PTK2: variants seen among roughly 807,000 people sequenced by gnomAD.
PTK2 encodes the protein protein tyrosine kinase 2, also known as focal adhesion kinase 1.
PTK2 carries 45 observed loss-of-function variants against 150.1 expected under a neutral mutation model. That is an observed-to-expected ratio of 0.30 (90% confidence interval 0.24 to 0.38). The LOEUF is 0.38. PTK2 is among the 10% of genes least tolerant of loss of function. The pLI, the probability that PTK2 is intolerant of heterozygous loss-of-function variation, is 1.00. For missense variants in PTK2, 919 were observed against 1,307.3 expected, an observed-to-expected ratio of 0.70 and a Z score of 4.58; for synonymous variants, 432 against 449.2, an observed-to-expected ratio of 0.96 and a Z score of 0.48.
At chr8:140,903,248 C>T (rs1348906719) in intron 2 of PTK2, among the ~76,000 whole-genome samples, 1 of 152,040 alleles carries the variant, frequency 6.6e-6, no homozygotes, top group African/African-American at 2.4e-5. Context: ...TCCTTTCCCC[C>T]ATTGCTTGTT....
chr8:140,941,803 T>C (rs137994994), intron 1 of PTK2, among the ~76,000 whole-genome samples: 1 of 152,210 alleles, frequency 6.6e-6, no homozygotes, highest in African/African-American at 2.4e-5. Context: ...CCCCTCAGGC[T>C]CAGGCGATCC....
At chr8:140,902,944 T>G (rs1303518910) in intron 2 of PTK2, among the ~76,000 whole-genome samples, 4,518 of 139,382 alleles carry the variant, frequency 0.032, 252 homozygotes, top group African/African-American at 0.11. Context: ...TTTTTTTTTT[T>G]TTTTTTTTTT....
intron 2 of PTK2, among the ~76,000 whole-genome samples, chr8:140,900,379 A>T (rs1428154303): frequency 6.6e-6 from 1 of 152,210 alleles, no homozygotes; most frequent in Non-Finnish European, 1.5e-5. Context: ...CAATTTAACC[A>T]AAGAAGTAAA....
At chr8:140,976,012 TAAC>T (rs1444265960) in intron 1 of PTK2, among the ~76,000 whole-genome samples, 1 of 152,232 alleles carries the variant, frequency 6.6e-6, no homozygotes, top group Non-Finnish European at 1.5e-5. Context: ...AAGATACTAT[TAAC>T]AACATTAGCA....
At chr8:140,955,902 T>A (rs931974795) in intron 1 of PTK2, among the ~76,000 whole-genome samples, 1 of 152,148 alleles carries the variant, frequency 6.6e-6, no homozygotes, top group Non-Finnish European at 1.5e-5. Flanking sequence ...AGCTAAAGCC[T>A]CAACACCATG....
chr8:140,923,729 T>C (rs2100168391), intron 2 of PTK2, among the ~76,000 whole-genome samples: 1 of 152,176 alleles, frequency 6.6e-6, no homozygotes, highest in Non-Finnish European at 1.5e-5. Context: ...ACCAACCTCT[T>C]TTAGTACTGG....
intron 20 of PTK2, among the ~76,000 whole-genome samples, chr8:140,740,620 G>C (rs1340957065): frequency 6.6e-6 from 1 of 152,180 alleles, no homozygotes; most frequent in Non-Finnish European, 1.5e-5. Context: ...TTTGTCAACT[G>C]CCTGTTTAAA....
chr8:140,793,097 T>C (rs1376261805), intron 13 of PTK2, among the ~76,000 whole-genome samples: 1 of 152,178 alleles, frequency 6.6e-6, no homozygotes, highest in Non-Finnish European at 1.5e-5. Flanking sequence ...GAAGCAAATG[T>C]TTAACAACAG....
intron 23 of PTK2, among the ~76,000 whole-genome samples, chr8:140,708,414 G>A (rs888194156): frequency 7.2e-5 from 11 of 152,060 alleles, no homozygotes; most frequent in African/African-American, 1.9e-4. Context: ...GCAACAGCTC[G>A]TGATTTTGCC....
chr8:140,705,355 G>T (rs915200863), intron 24 of PTK2, among the ~76,000 whole-genome samples: 10 of 151,982 alleles, frequency 6.6e-5, no homozygotes, highest in African/African-American at 2.4e-4. Flanking sequence ...GACATTACGA[G>T]TAAAAAAAGA....
chr8:140,847,759 TAA>T (rs1296540376), intron 5 of PTK2, among the ~76,000 whole-genome samples: 2 of 152,204 alleles, frequency 1.3e-5, no homozygotes, highest in African/African-American at 2.4e-5. Flanking sequence ...ACCCTTTATA[TAA>T]AAAGTGTCTT....
intron 10 of PTK2, among the ~76,000 whole-genome samples, chr8:140,808,643 T>C (rs773935540): frequency 6.6e-6 from 1 of 151,366 alleles, no homozygotes; most frequent in Non-Finnish European, 1.5e-5. Context: ...AAAAATGAGA[T>C]AAAACCCCAG....
intron 7 of PTK2, among the ~76,000 whole-genome samples, chr8:140,839,182 T>A (rs1236431462): frequency 6.6e-6 from 1 of 152,010 alleles, no homozygotes; most frequent in Non-Finnish European, 1.5e-5. Flanking sequence ...GGAAACTGTT[T>A]TTGGGTTTCT....
At chr8:140,700,940 T>C (rs776992649) in exon 26 of PTK2, 21 of 1,614,008 alleles carry the variant, frequency 1.3e-5, no homozygotes, top group Non-Finnish European at 1.7e-5. Context: ...TTCCATTTCC[T>C]GTTGCTGTCG....
chr8:140,847,490 T>C (rs1224154432), intron 5 of PTK2, among the ~76,000 whole-genome samples: 1 of 152,198 alleles, frequency 6.6e-6, no homozygotes, highest in Non-Finnish European at 1.5e-5. Context: ...TAGATTAGCC[T>C]GAAAAGATTA....
intron 1 of PTK2, among the ~76,000 whole-genome samples, chr8:140,961,082 A>C (rs368053791): frequency 2.6e-5 from 4 of 152,232 alleles, no homozygotes; most frequent in East Asian, 1.9e-4. Flanking sequence ...CTGAAATCAA[A>C]TTCAAGAAAC....
rs138512715 is a variant in PTK2, at chr8:140,746,261, G to A, written c.1518+499C>T. Among the ~76,000 whole-genome samples, 464 of 152,230 alleles carry A rather than the reference G, an allele frequency of 3.0e-3. 1 individual carries two copies. The highest frequency in any genetic ancestry group is 4.1e-3 in the Non-Finnish European group (282 of 68,020). On this transcript the variant is annotated intron_variant, in intron 18 of 31. Transcript: ENST00000522684. Reference sequence around the variant, plus strand: ...GTGGGAGATCGCTTGAGCCCAGGAGGTCGAGGCTGCAGTGAGCTGTGGTTA... The same window carrying A: ...GTGGGAGATCGCTTGAGCCCAGGAGATCGAGGCTGCAGTGAGCTGTGGTTA...
At chr8:140,728,215 A>G (rs1237592419) in intron 22 of PTK2, among the ~76,000 whole-genome samples, 1 of 151,654 alleles carries the variant, frequency 6.6e-6, no homozygotes, top group Non-Finnish European at 1.5e-5. Flanking sequence ...AAAAAAAAAA[A>G]GTAGAAAAAG....
chr8:140,689,409 G>C (rs144327872), intron 26 of PTK2, among the ~76,000 whole-genome samples: 1 of 152,292 alleles, frequency 6.6e-6, no homozygotes, highest in African/African-American at 2.4e-5. Context: ...GAAGACCCAG[G>C]AACTGTTCAA....
Sources: allele counts gnomAD v4.1 joint callset (sites outside exome capture counted in the v4.1 genomes callset), GRCh38; gene constraint gnomAD v4.1.1; transcripts MANE v1.5; gene names NCBI Gene and HGNC (gene_info 2026-07-23, HGNC 2026-07-21).